The following SMARCA2 variants were observed in gnomAD, a reference collection of about 807,000 sequenced individuals.
SMARCA2 encodes SWI/SNF related BAF chromatin remodeling complex subunit ATPase 2.
Under a neutral mutation model 199.8 loss-of-function variants are expected in SMARCA2, and 61 were observed. The ratio of observed to expected loss-of-function variants is 0.31; its 90% CI spans 0.25 to 0.38. SMARCA2 has a LOEUF of 0.38. SMARCA2 is among the 10% of genes least tolerant of loss of function. The pLI, the probability that SMARCA2 is intolerant of heterozygous loss-of-function variation, is 1.00. For missense variants in SMARCA2, 1,344 were observed against 2,012.2 expected, an observed-to-expected ratio of 0.67 and a Z score of 6.35; for synonymous variants, 935 against 732.0, an observed-to-expected ratio of 1.28 and a Z score of -4.48.
chr9:2,100,257 G>C (rs1276012398), intron 21 of SMARCA2, among the ~76,000 whole-genome samples: 1 of 152,226 alleles, frequency 6.6e-6, no homozygotes, highest in Non-Finnish European at 1.5e-5. Context: ...GAAATGCGTG[G>C]AAAACAGTAT....
Position 2,181,551 on chromosome 9 carries a change from T to C in SMARCA2, c.4254-20T>C, listed in dbSNP as rs761675594. 1.6e-5 allele frequency: 20 copies of C among 1,276,426 alleles called. No homozygotes were observed. The highest frequency in any genetic ancestry group is 6.8e-5 in the Admixed American group (4 of 58,974). 79.1% of individuals were successfully genotyped at this position (1,276,426 alleles called of 1,614,324 possible). On this transcript the variant is annotated intron_variant, in intron 29 of 33. Coordinates refer to ENST00000349721, the MANE Select transcript of SMARCA2 (RefSeq NM_003070.5). ...AATGTTTGATGTGGCTTGTTTTTGTTTGTTTCACCCATCCTACAGTTCAGG... is the reference window on the plus strand; with the variant it reads ...AATGTTTGATGTGGCTTGTTTTTGTCTGTTTCACCCATCCTACAGTTCAGG...
In SMARCA2 at chr9:2,192,848, A is replaced by ATCG; in HGVS notation, c.*112_*114dup. 1.3e-6 allele frequency: 1 copy of ATCG among 790,258 alleles called. No homozygotes were observed. The allele number at this position is 790,258 out of a possible 1,614,324, so 49.0% of individuals were successfully genotyped here. ...GGCACTGGGTTGTTTCTATATCATC[A>ATCG]TCGTCTATAAACTAGCTTTAGGATA... On this transcript the variant is annotated 3_prime_UTR_variant, in exon 34 of 34. Transcript: ENST00000349721.
At position 2,104,280 on chromosome 9, in the gene SMARCA2, T is replaced by A; in HGVS notation, c.3292+111T>A. ...GAAGGGGTAAAATTGAAGAATTGAC[T>A]AGAAGCATTGGGAGCAGTTTTTCTA... On this transcript the variant is annotated intron_variant, in intron 23 of 33. Transcript: ENST00000349721. The surrounding 1 kb of genome is among the most constrained non-coding windows in gnomAD (Gnocchi z 4.0). The A allele has an allele frequency of 9.9e-7, 1 of 1,006,076 alleles. No homozygotes were observed. Among genetic ancestry groups the A allele is most frequent in the Non-Finnish European group, 1.5e-6 (1 of 687,106 alleles). 62.3% of individuals were successfully genotyped at this position (1,006,076 alleles called of 1,614,324 possible).
intron 27 of SMARCA2, chr9:2,157,632 T>C: frequency 2.8e-6 from 1 of 361,618 alleles, no homozygotes. Flanking sequence ...CTTTCAGTGT[T>C]AAGATGGTTT....
intron 6 of SMARCA2, among the ~76,000 whole-genome samples, chr9:2,055,407 G>A (rs1473671463): frequency 6.6e-6 from 1 of 152,216 alleles, no homozygotes; most frequent in African/African-American, 2.4e-5. Flanking sequence ...GTTTTGCCTT[G>A]TGGACTGAAA....
intron 25 of SMARCA2, among the ~76,000 whole-genome samples, chr9:2,118,358 G>T (rs981718510): frequency 6.6e-6 from 1 of 152,068 alleles, no homozygotes; most frequent in African/African-American, 2.4e-5. Context: ...TACTTTATTG[G>T]ATTGCATTCA....
rs184796954 is a variant in SMARCA2 at position 2,094,336 on chromosome 9, G to C, written c.2884-2321G>C. Among the ~76,000 whole-genome samples the C allele has an allele frequency of 2.0e-3, 311 of 152,324 alleles. 1 individual carries two copies. Among genetic ancestry groups the C allele is most frequent in the African/African-American group, 7.3e-3 (305 of 41,580 alleles). ...CTCTCTGCTGACTTGACCTCGTTGA[G>C]AATGCTTGGCATCCCTGTCTCCATG... On this transcript the variant is annotated intron_variant, in intron 19 of 33. Coordinates refer to ENST00000349721, the MANE Select transcript of SMARCA2 (RefSeq NM_003070.5).
At chr9:2,105,823 A>G (rs891899681) in intron 23 of SMARCA2, among the ~76,000 whole-genome samples, 16 of 152,198 alleles carry the variant, frequency 1.1e-4, no homozygotes, top group African/African-American at 3.4e-4. Flanking sequence ...ACAGCCCCAC[A>G]CAGGCGTCCT....
chr9:2,175,897 G>C (rs946904185), intron 29 of SMARCA2, among the ~76,000 whole-genome samples: 3 of 149,318 alleles, frequency 2.0e-5, no homozygotes, highest in Non-Finnish European at 4.5e-5. Context: ...TTTGTTTTTT[G>C]AGATGAAGTT....
chr9:2,177,180 C>G (rs1378914064), intron 29 of SMARCA2, among the ~76,000 whole-genome samples: 1 of 152,228 alleles, frequency 6.6e-6, no homozygotes, highest in African/African-American at 2.4e-5. Flanking sequence ...AAGCAGCACA[C>G]TTCACCTACT....
At chr9:2,181,828 T>A in intron 30 of SMARCA2, 152 bp downstream of exon 30, 1 of 620,756 alleles carries the variant, frequency 1.6e-6, no homozygotes, top group African/African-American at 1.8e-5. Flanking sequence ...TTTCCGTGAG[T>A]GTTACTTAAT....
Position 2,177,389 on chromosome 9 carries a change from T to C in SMARCA2, c.4254-4182T>C, listed in dbSNP as rs73641009. Among the ~76,000 whole-genome samples the C allele has an allele frequency of 9.9e-3, 1,510 of 152,264 alleles. 19 individuals are homozygous for C. Among genetic ancestry groups the C allele is most frequent in the African/African-American group, 0.031 (1,293 of 41,550 alleles). On this transcript the variant is annotated intron_variant, in intron 29 of 33. Transcript: ENST00000349721. ...TAATATAAACAATTTATTTCAGCTA[T>C]GGTTAAGATTTCTTTCTCAGCACTA...
intron 3 of SMARCA2, among the ~76,000 whole-genome samples, chr9:2,035,935 C>T (rs1228556471): frequency 6.6e-6 from 1 of 152,114 alleles, no homozygotes; most frequent in Non-Finnish European, 1.5e-5. Flanking sequence ...CTTTAAAAAA[C>T]TCACTGTGAA....
intron 31 of SMARCA2, among the ~76,000 whole-genome samples, chr9:2,183,906 C>T (rs1333313912): frequency 6.6e-6 from 1 of 152,164 alleles, no homozygotes; most frequent in Non-Finnish European, 1.5e-5. Context: ...GATATACATC[C>T]AGTCCTTTTT....
intron 1 of SMARCA2, among the ~76,000 whole-genome samples, chr9:2,020,908 T>G (rs1818573660): frequency 6.6e-6 from 1 of 152,194 alleles, no homozygotes; most frequent in Non-Finnish European, 1.5e-5. Context: ...GGCCTGAAAC[T>G]CTGACATAAT....
chr9:2,151,675 G>A (rs1246536196), intron 27 of SMARCA2, among the ~76,000 whole-genome samples: 2 of 152,166 alleles, frequency 1.3e-5, no homozygotes, highest in Non-Finnish European at 1.5e-5. Flanking sequence ...GGAGGTTGCA[G>A]TGAGCCAAGA....
At chr9:2,066,083 CAG>C (rs1432259073) in intron 9 of SMARCA2, among the ~76,000 whole-genome samples, 1 of 152,148 alleles carries the variant, frequency 6.6e-6, no homozygotes, top group African/African-American at 2.4e-5. Context: ...CCTTAAATGA[CAG>C]TAAAAATAAC....
At chr9:2,152,181 G>C (rs1190866043) in intron 27 of SMARCA2, among the ~76,000 whole-genome samples, 2 of 152,232 alleles carry the variant, frequency 1.3e-5, no homozygotes, top group African/African-American at 4.8e-5. Flanking sequence ...TCCCAAGATG[G>C]AGGCAGGTTT....
At chr9:2,024,322 A>T (rs1818732215) in intron 1 of SMARCA2, among the ~76,000 whole-genome samples, 1 of 151,962 alleles carries the variant, frequency 6.6e-6, no homozygotes, top group Non-Finnish European at 1.5e-5. Context: ...ACTGTGTTGG[A>T]TAGTTTGGCT....
Sources: allele counts gnomAD v4.1 joint callset (sites outside exome capture counted in the v4.1 genomes callset), GRCh38; gene constraint gnomAD v4.1.1; non-coding constraint Gnocchi (gnomAD v3.1); transcripts MANE v1.5; gene names NCBI Gene and HGNC (gene_info 2026-07-23, HGNC 2026-07-21).